KCTD16: variants seen among roughly 807,000 people sequenced by gnomAD.
KCTD16 encodes the protein BTB/POZ domain-containing protein KCTD16.
A neutral mutation model predicts 33.2 loss-of-function variants in KCTD16; 13 were observed. The ratio of observed to expected loss-of-function variants is 0.39; its 90% CI spans 0.25 to 0.62. The LOEUF is 0.62. KCTD16 is among the 20% of genes least tolerant of loss of function. The pLI is 0.50. For synonymous variants in KCTD16, 197 were observed against 195.3 expected (o/e 1.01, Z -0.07); for missense variants, 441 against 525.1 (o/e 0.84, Z 1.57).
chr5:144,452,008 T>C (rs1753953272), intron 3 of KCTD16, among the ~76,000 whole-genome samples: 1 of 151,920 alleles, frequency 6.6e-6, no homozygotes, highest in African/African-American at 2.4e-5. Context: ...AGTTCTGTTC[T>C]CTTTGGCGTT....
intron 1 of KCTD16, among the ~76,000 whole-genome samples, 191 bp from the exon 2 acceptor site, chr5:144,174,116 A>G (rs1752451151): frequency 1.3e-5 from 2 of 152,168 alleles, no homozygotes; most frequent in Non-Finnish European, 2.9e-5. Flanking sequence ...GACCTAATGT[A>G]TCCATCACCA....
rs140972109 is a variant in KCTD16 at position 144,318,367 on chromosome 5, A to G, written c.832+110821A>G. Among the ~76,000 whole-genome samples the G allele has an allele frequency of 3.8e-3, 572 of 152,282 alleles. 3 individuals carry two copies. Among genetic ancestry groups the G allele is most frequent in the Middle Eastern group, 0.014 (4 of 294 alleles). ...CACAGTTGTTACCAGTGAGACTATCATATAATGCAATAAGGGAATGTCTGT... is the reference window on the plus strand; with the variant it reads ...CACAGTTGTTACCAGTGAGACTATCGTATAATGCAATAAGGGAATGTCTGT... On this transcript the variant is annotated intron_variant, in intron 3 of 3. Coordinates refer to ENST00000512467, the MANE Select transcript of KCTD16 (RefSeq NM_020768.4).
intron 3 of KCTD16, among the ~76,000 whole-genome samples, chr5:144,397,155 T>G (rs1434566231): frequency 6.9e-6 from 1 of 144,396 alleles, no homozygotes; most frequent in Non-Finnish European, 1.5e-5. Flanking sequence ...TTCCCACCTA[T>G]GAGTGAGAAA....
At chr5:144,206,362 G>A (rs1162248182) in intron 2 of KCTD16, 27 bp from the exon 3 acceptor site, 2 of 194,908 alleles carry the variant, frequency 1.0e-5, no homozygotes, top group African/African-American at 4.7e-5. Context: ...CAGGTTTGAG[G>A]AAATAATTTT....
chr5:144,202,285 T>C (rs1753060843), intron 2 of KCTD16, among the ~76,000 whole-genome samples: 1 of 152,182 alleles, frequency 6.6e-6, no homozygotes, highest in Non-Finnish European at 1.5e-5. Context: ...AGGAATACAC[T>C]TACAGCCTAG....
At chr5:144,371,600 T>A (rs927273677) in intron 3 of KCTD16, among the ~76,000 whole-genome samples, 2 of 152,140 alleles carry the variant, frequency 1.3e-5, no homozygotes, top group Admixed American at 6.6e-5. Context: ...ATTCTGTATA[T>A]CACTAAGTAG....
chr5:144,442,528 C>T (rs1397566864), intron 3 of KCTD16, among the ~76,000 whole-genome samples: 2 of 145,274 alleles, frequency 1.4e-5, no homozygotes, highest in African/African-American at 2.6e-5. Context: ...TCCTTCCCTC[C>T]CTCCTTCCAA....
chr5:144,391,276 A>T (rs1752443911), intron 3 of KCTD16, among the ~76,000 whole-genome samples: 1 of 152,228 alleles, frequency 6.6e-6, no homozygotes, highest in Admixed American at 6.5e-5. Context: ...CTTTGGCATG[A>T]ACTAATGGTA....
chr5:144,289,559 C>T (rs1755838392), intron 3 of KCTD16, among the ~76,000 whole-genome samples: 1 of 152,318 alleles, frequency 6.6e-6, no homozygotes, highest in East Asian at 1.9e-4. Flanking sequence ...CCTCCGCCAC[C>T]TTATGTTCTT....
intron 3 of KCTD16, among the ~76,000 whole-genome samples, chr5:144,451,628 T>G (rs1753945414): frequency 6.6e-6 from 1 of 152,214 alleles, no homozygotes; most frequent in Admixed American, 6.5e-5. Context: ...ATATTAACAC[T>G]TCTATTGAAA....
chr5:144,317,997 T>C (rs1404452068), intron 3 of KCTD16, among the ~76,000 whole-genome samples: 3 of 152,266 alleles, frequency 2.0e-5, no homozygotes, highest in South Asian at 4.1e-4. Context: ...AATGAACAAA[T>C]GATTTGGGGG....
At chr5:144,410,291 T>C (rs1188022749) in intron 3 of KCTD16, among the ~76,000 whole-genome samples, 1 of 152,168 alleles carries the variant, frequency 6.6e-6, no homozygotes, top group Non-Finnish European at 1.5e-5. Context: ...GATACATTGT[T>C]TGGTTTATGC....
intron 3 of KCTD16, among the ~76,000 whole-genome samples, chr5:144,297,324 A>G (rs1021288958): frequency 2.0e-5 from 3 of 152,242 alleles, no homozygotes; most frequent in South Asian, 4.1e-4. Flanking sequence ...AAATACAGCC[A>G]AAACAGCTTT....
At chr5:144,347,204 TC>T in intron 3 of KCTD16, among the ~76,000 whole-genome samples, 1 of 152,198 alleles carries the variant, frequency 6.6e-6, no homozygotes, top group Admixed American at 6.5e-5. Flanking sequence ...ATAGAATTAT[TC>T]GACTTCAATA....
chr5:144,445,175 T>G (rs1446844238), intron 3 of KCTD16, among the ~76,000 whole-genome samples: 1 of 151,924 alleles, frequency 6.6e-6, no homozygotes, highest in African/African-American at 2.4e-5. Flanking sequence ...CTTCTTAATT[T>G]TAAATTCTAA....
At chr5:144,292,788 C>T (rs1393129912) in intron 3 of KCTD16, among the ~76,000 whole-genome samples, 2 of 152,218 alleles carry the variant, frequency 1.3e-5, no homozygotes, top group South Asian at 2.1e-4. Flanking sequence ...CAACTTCCCA[C>T]CCCTCAAGAG....
intron 3 of KCTD16, among the ~76,000 whole-genome samples, chr5:144,245,770 C>A (rs1348225612): frequency 6.6e-6 from 1 of 152,164 alleles, no homozygotes; most frequent in Non-Finnish European, 1.5e-5. Context: ...TCTCTTCATC[C>A]TGCTTTGGCC....
chr5:144,343,366 A>G (rs573723569), intron 3 of KCTD16, among the ~76,000 whole-genome samples: 5 of 152,070 alleles, frequency 3.3e-5, no homozygotes, highest in Non-Finnish European at 7.4e-5. Context: ...TTATTTGCAT[A>G]GAGGTGTTTG....
In KCTD16 at chr5:144,206,658, G is replaced by C; in HGVS notation, c.-57G>C. 1 of 1,413,176 alleles carries C rather than the reference G, an allele frequency of 7.1e-7. No homozygotes were observed. The highest frequency in any genetic ancestry group is 9.8e-7 in the Non-Finnish European group (1 of 1,020,362). 87.5% of individuals were successfully genotyped at this position (1,413,176 alleles called of 1,614,324 possible). Reference sequence around the variant, plus strand: ...ACAAGTTGATCCAAAGGATAAGGCTGTGACTCCATTGGATTGCACCTTTAA... The same window carrying C: ...ACAAGTTGATCCAAAGGATAAGGCTCTGACTCCATTGGATTGCACCTTTAA... On this transcript the variant is annotated 5_prime_UTR_variant, in exon 3 of 4. Transcript: ENST00000512467.
Sources: gnomAD v4.1 joint callset for allele counts (sites outside exome capture counted in the v4.1 genomes callset) on GRCh38, gnomAD v4.1.1 for gene constraint, MANE v1.5 for transcripts, NCBI Gene and HGNC (gene_info 2026-07-23, HGNC 2026-07-21) for gene names.